The following UPP2 variants were observed in gnomAD, a reference collection of about 807,000 sequenced individuals.
UPP2 encodes the protein uridine phosphorylase 2.
In UPP2, 23 loss-of-function variants were observed where a neutral mutation model predicts 26.7. That is an observed-to-expected ratio of 0.86 (90% CI 0.62 to 1.22). UPP2 has a LOEUF of 1.22. Ranked by LOEUF, UPP2 falls within the 50% of genes most tolerant of loss-of-function variation. The probability of loss-of-function intolerance (pLI) is 0.00; values close to 1 mark genes in which losing one functional copy is unlikely to be tolerated. For missense variants in UPP2, 387 were observed against 396.7 expected (o/e 0.98, Z 0.21); for synonymous variants, 127 against 141.3 (o/e 0.90, Z 0.72).
chr2:158,023,232 G>GT (rs1553463658), intron 3 of UPP2, among the ~76,000 whole-genome samples: 17 of 147,020 alleles, frequency 1.2e-4, no homozygotes, highest in African/African-American at 3.2e-4. Flanking sequence ...CTGTCAGTTG[G>GT]GGGGGGGCAT....
intron 4 of UPP2, 99 bp downstream of exon 4, chr2:158,118,037 G>A (rs770704990): frequency 2.4e-5 from 24 of 999,384 alleles, no homozygotes; most frequent in Non-Finnish European, 3.6e-5. Context: ...CAAAAGCCCA[G>A]ATGGGCTAAA....
chr2:158,127,204 A>G (rs1683712123), intron 6 of UPP2, among the ~76,000 whole-genome samples: 1 of 152,166 alleles, frequency 6.6e-6, no homozygotes, highest in Non-Finnish European at 1.5e-5. Flanking sequence ...ATGACTACCT[A>G]CACTCACTCA....
At chr2:157,996,236 T>C (rs974652399) in intron 2 of UPP2, among the ~76,000 whole-genome samples, 2 of 152,220 alleles carry the variant, frequency 1.3e-5, no homozygotes, top group African/African-American at 2.4e-5. Flanking sequence ...TGGTTTACTA[T>C]AGCTTTGGCT....
At chr2:158,007,563 CCAGTT>C (rs2105138210) in intron 2 of UPP2, among the ~76,000 whole-genome samples, 1 of 152,214 alleles carries the variant, frequency 6.6e-6, no homozygotes, top group Non-Finnish European at 1.5e-5. Flanking sequence ...TTAACACCGG[CCAGTT>C]CCTTGTTCCA....
chr2:158,083,862 GTT>G lies in UPP2; in HGVS notation c.148-18173_148-18172del, dbSNP rs976548020. Among the ~76,000 whole-genome samples the G allele has an allele frequency of 9.7e-4, 132 of 136,046 alleles. 3 individuals are homozygous for G. The South Asian group carries it at 0.026, about 27-fold the overall frequency. 89.3% of individuals were successfully genotyped at this position (136,046 alleles called of 152,430 possible). ...TGTTTATGTCTGTTTATATATATAT[GTT>G]TTTTATATATATATATATATCTCAC... On this transcript the variant is annotated intron_variant, in intron 3 of 9. Coordinates refer to the UPP2 transcript ENST00000605860.
At chr2:158,132,302 G>C (rs1483741539) in intron 6 of UPP2, among the ~76,000 whole-genome samples, 1 of 152,206 alleles carries the variant, frequency 6.6e-6, no homozygotes, top group Non-Finnish European at 1.5e-5. Context: ...ATAACCGATA[G>C]GGCAGGATTG....
At chr2:158,001,790 GC>G (rs1683411234) in intron 2 of UPP2, among the ~76,000 whole-genome samples, 1 of 152,084 alleles carries the variant, frequency 6.6e-6, no homozygotes, top group Admixed American at 6.6e-5. Flanking sequence ...AAGATTGCTA[GC>G]CATAGTCTGG....
intron 1 of UPP2, among the ~76,000 whole-genome samples, 165 bp from the exon 2 acceptor site, chr2:158,105,934 G>A (rs940496449): frequency 3.3e-5 from 5 of 152,198 alleles, no homozygotes; most frequent in East Asian, 1.9e-4. Context: ...TCAGTGCTAT[G>A]CTTGGCACAT....
At chr2:158,133,532 A>G (rs1237209849) in intron 6 of UPP2, among the ~76,000 whole-genome samples, 2 of 152,236 alleles carry the variant, frequency 1.3e-5, no homozygotes, top group East Asian at 3.8e-4. Context: ...CACCATAAAA[A>G]TGCAAGTATA....
At chr2:158,106,431 A>G (rs1271106227) in intron 2 of UPP2, among the ~76,000 whole-genome samples, 1 of 152,182 alleles carries the variant, frequency 6.6e-6, no homozygotes, top group Admixed American at 6.5e-5. Flanking sequence ...ATCTAATGCA[A>G]ACATGTTATT....
chr2:158,083,110 A>C (rs975619423), intron 3 of UPP2, among the ~76,000 whole-genome samples: 26 of 152,190 alleles, frequency 1.7e-4, no homozygotes, highest in Non-Finnish European at 2.5e-4. Context: ...TGTTGGTGGG[A>C]GTGTAAATTA....
chr2:158,105,267 C>T (rs746059028), intron 1 of UPP2, among the ~76,000 whole-genome samples: 1 of 152,084 alleles, frequency 6.6e-6, no homozygotes, highest in African/African-American at 2.4e-5. Flanking sequence ...CCGTCATCAG[C>T]TCACTGTCTT....
At chr2:158,000,132 C>T (rs1178329141) in intron 2 of UPP2, among the ~76,000 whole-genome samples, 5 of 151,464 alleles carry the variant, frequency 3.3e-5, no homozygotes, top group Non-Finnish European at 5.9e-5. Context: ...GGCGCGATCT[C>T]GGCTCACTGC....
chr2:158,038,349 T>C (rs537902898), intron 3 of UPP2, among the ~76,000 whole-genome samples: 15 of 152,364 alleles, frequency 9.8e-5, no homozygotes, highest in African/African-American at 3.6e-4. Context: ...GTCTTTAGAA[T>C]AAATGGATAC....
chr2:158,129,050 T>C (rs1487717867), intron 6 of UPP2, among the ~76,000 whole-genome samples: 1 of 152,028 alleles, frequency 6.6e-6, no homozygotes, highest in Non-Finnish European at 1.5e-5. Context: ...TCAAGGTCAG[T>C]GTCTATAGTT....
At chr2:158,002,102 T>G (rs533498446) in intron 2 of UPP2, among the ~76,000 whole-genome samples, 4 of 152,078 alleles carry the variant, frequency 2.6e-5, no homozygotes, top group African/African-American at 9.6e-5. Context: ...ATTCACCTCA[T>G]TTTTCAAAGT....
At position 158,058,391 on chromosome 2, in the gene UPP2, TCTCTCTCTCTCTCTCTCTCC is replaced by T. The variant is rs1487831185; in HGVS notation, c.147+42507_147+42526del. Among the ~76,000 whole-genome samples, 3 of 10,956 alleles carry T rather than the reference TCTCTCTCTCTCTCTCTCTCC, an allele frequency of 2.7e-4. No individual in the cohort carries two copies. In the African/African-American group the frequency reaches 3.4e-3, roughly 12 times the overall value. The allele number at this position is 10,956 out of a possible 152,430, so 7.2% of individuals were successfully genotyped here. A position where few individuals can be genotyped will look rare whatever the true frequency, so the allele number is the denominator to read the frequency against. On this transcript the variant is annotated intron_variant, in intron 3 of 9. Coordinates refer to the UPP2 transcript ENST00000605860. ...CTTGTATGCTCTCTCTCTCTCTCTC[TCTCTCTCTCTCTCTCTCTCC>T]CCCCAACCTGTGTGTGTGTGTGTGT...
chr2:158,049,660 G>A (rs753160820), intron 3 of UPP2, among the ~76,000 whole-genome samples: 49 of 152,136 alleles, frequency 3.2e-4, no homozygotes, highest in Non-Finnish European at 6.8e-4. Flanking sequence ...TACACTCTGC[G>A]GGGAGGAGGA....
chr2:158,114,290 C>G (rs945072188), intron 2 of UPP2, among the ~76,000 whole-genome samples: 3 of 152,164 alleles, frequency 2.0e-5, no homozygotes, highest in African/African-American at 7.2e-5. Context: ...TGCTCACCCT[C>G]TTGTTGCTGA....
Sources: gnomAD v4.1 joint callset for allele counts (sites outside exome capture counted in the v4.1 genomes callset) on GRCh38, gnomAD v4.1.1 for gene constraint, MANE v1.5 for transcripts, NCBI Gene and HGNC (gene_info 2026-07-23, HGNC 2026-07-21) for gene names.